The following SLC9A2 variants were observed in gnomAD, a reference collection of about 807,000 sequenced individuals.
The protein encoded by SLC9A2 is sodium/hydrogen exchanger 2.
Under a neutral mutation model 71.7 loss-of-function variants are expected in SLC9A2, and 42 were observed. The observed-to-expected ratio is 0.59, with a 90% confidence interval of 0.46 to 0.76. SLC9A2 has a LOEUF of 0.76. SLC9A2 is among the 30% of genes least tolerant of loss of function. The pLI, the probability that SLC9A2 is intolerant of heterozygous loss-of-function variation, is 0.00. For synonymous variants in SLC9A2, 396 were observed against 392.5 expected, an observed-to-expected ratio of 1.01 and a Z score of -0.10; for missense variants, 829 against 1,017.4, an observed-to-expected ratio of 0.81 and a Z score of 2.52.
chr2:102,648,389 C>T (rs1442081003), intron 1 of SLC9A2, among the ~76,000 whole-genome samples: 1 of 152,166 alleles, frequency 6.6e-6, no homozygotes, highest in Non-Finnish European at 1.5e-5. Flanking sequence ...CAATATCATA[C>T]TGAAAGGGTC....
At chr2:102,622,542 T>C (rs561053302) in intron 1 of SLC9A2, among the ~76,000 whole-genome samples, 6 of 152,316 alleles carry the variant, frequency 3.9e-5, no homozygotes, top group African/African-American at 1.2e-4. Flanking sequence ...TAGGTGTTGT[T>C]TTCCTGGTTT....
intron 1 of SLC9A2, among the ~76,000 whole-genome samples, chr2:102,626,392 C>T (rs1475463701): frequency 6.6e-6 from 1 of 152,168 alleles, no homozygotes; most frequent in Non-Finnish European, 1.5e-5. Flanking sequence ...AAGCTGGATC[C>T]CTTCCTTACA....
chr2:102,701,583 A>C (rs1436349641), intron 8 of SLC9A2, among the ~76,000 whole-genome samples: 1 of 152,252 alleles, frequency 6.6e-6, no homozygotes, highest in African/African-American at 2.4e-5. Flanking sequence ...AAATTCATGT[A>C]TGATCAAGCT....
At chr2:102,695,799 ATT>A (rs529442451) in intron 7 of SLC9A2, among the ~76,000 whole-genome samples, 4 of 77,078 alleles carry the variant, frequency 5.2e-5, no homozygotes, top group African/African-American at 8.0e-5. Context: ...TTATATATAT[ATT>A]ATATATATAT....
chr2:102,642,507 T>C (rs1341622206), intron 1 of SLC9A2, among the ~76,000 whole-genome samples: 1 of 152,088 alleles, frequency 6.6e-6, no homozygotes, highest in African/African-American at 2.4e-5. Flanking sequence ...CAGCCTTGCA[T>C]CCCTGGAATA....
intron 11 of SLC9A2, among the ~76,000 whole-genome samples, chr2:102,706,348 GAA>G (rs397985354): frequency 5.6e-5 from 1 of 17,702 alleles, no homozygotes; most frequent in African/African-American, 2.4e-4. Flanking sequence ...AAAAAAAAAA[GAA>G]AAAAAAAAAA....
chr2:102,694,318 G>A lies in SLC9A2; in HGVS notation c.1426-96G>A, dbSNP rs566048398. On this transcript the variant is annotated intron_variant, in intron 5 of 11. Transcript: ENST00000233969. Reference sequence around the variant, plus strand: ...AGAAGTTACCCTTGAATATTAAAATGTAGTTTATAAAAAATTTATATTAAA... The same window carrying A: ...AGAAGTTACCCTTGAATATTAAAATATAGTTTATAAAAAATTTATATTAAA... The A allele has an allele frequency of 2.1e-4, 68 of 325,390 alleles. 1 individual carries two copies. Among genetic ancestry groups the A allele is most frequent in the Admixed American group, 8.1e-4 (16 of 19,840 alleles). 20.2% of individuals were successfully genotyped at this position (325,390 alleles called of 1,614,324 possible). A position where few individuals can be genotyped will look rare whatever the true frequency, so the allele number is the denominator to read the frequency against.
chr2:102,686,315 T>C (rs1677545444), intron 5 of SLC9A2: 1 of 152,220 alleles, frequency 6.6e-6, no homozygotes, highest in African/African-American at 2.4e-5. Context: ...AAAATCTATT[T>C]GCTTTTGACC....
chr2:102,697,595 C>T, intron 7 of SLC9A2: 1 of 147,634 alleles, frequency 6.8e-6, no homozygotes, highest in Admixed American at 6.6e-5. Context: ...CACCACATCC[C>T]CCCGCACCTA....
intron 1 of SLC9A2, among the ~76,000 whole-genome samples, chr2:102,637,675 A>G (rs937245900): frequency 1.4e-4 from 22 of 152,058 alleles, no homozygotes; most frequent in African/African-American, 5.3e-4. Flanking sequence ...CCTGCCAGAG[A>G]TCTCACCCCA....
intron 3 of SLC9A2, among the ~76,000 whole-genome samples, chr2:102,680,841 G>A (rs1384569171): frequency 6.6e-6 from 1 of 151,626 alleles, no homozygotes; most frequent in African/African-American, 2.4e-5. Flanking sequence ...AGAGGGCGTA[G>A]GAGAGTCAGA....
intron 9 of SLC9A2, 74 bp from the exon 10 acceptor site, chr2:102,704,470 T>G: frequency 6.9e-7 from 1 of 1,459,598 alleles, no homozygotes; most frequent in Non-Finnish European, 9.4e-7. Flanking sequence ...TGTGGTAAAG[T>G]CTTGGAATTT....
intron 1 of SLC9A2, among the ~76,000 whole-genome samples, chr2:102,625,141 C>A (rs1676221873): frequency 6.6e-6 from 1 of 152,096 alleles, no homozygotes; most frequent in South Asian, 2.1e-4. Context: ...GATTCCTTTC[C>A]TTCTCAAAGC....
At chr2:102,634,686 T>C (rs1422054767) in intron 1 of SLC9A2, among the ~76,000 whole-genome samples, 1 of 152,238 alleles carries the variant, frequency 6.6e-6, no homozygotes, top group Non-Finnish European at 1.5e-5. Context: ...GCCTCTGAAA[T>C]ATGTTACGTA....
intron 3 of SLC9A2, among the ~76,000 whole-genome samples, chr2:102,671,075 A>C (rs1677241718): frequency 6.6e-6 from 1 of 152,180 alleles, no homozygotes; most frequent in South Asian, 2.1e-4. Context: ...ATGTTTATAA[A>C]ATGCTTTCAA....
chr2:102,704,701 A>T, intron 10 of SLC9A2, 26 bp downstream of exon 10: 2 of 1,602,346 alleles, frequency 1.2e-6, no homozygotes, highest in Non-Finnish European at 1.7e-6. Context: ...CCTCTAGGAG[A>T]CTTCCAGGGG....
Position 102,657,898 on chromosome 2 carries a change from G to C in SLC9A2, c.624G>C (p.Leu208=), listed in dbSNP as rs147714670. The change falls in exon 2 of 12, where the codon CTG becomes CTC. Residue 208 remains leucine, a synonymous_variant. Coordinates refer to ENST00000233969, the MANE Select transcript of SLC9A2 (RefSeq NM_003048.6). The stretch of plus-strand genomic sequence containing the variant: ...GCGACATCACTTTGCTCCAGAACCT[G>C]CTCTTTGGCAGCTTAATCTCAGCTG... ...GLSDITLLQN[L]LFGSLISAVD... The C allele has an allele frequency of 1.2e-6, 2 of 1,614,112 alleles. No homozygotes were observed. The highest frequency in any genetic ancestry group is 1.7e-6 in the Non-Finnish European group (2 of 1,180,046).
chr2:102,644,855 G>C (rs1035679851), intron 1 of SLC9A2, among the ~76,000 whole-genome samples: 3 of 152,164 alleles, frequency 2.0e-5, no homozygotes, highest in African/African-American at 7.2e-5. Context: ...CGCGAGAAGG[G>C]GCAGCTGCAG....
At chr2:102,683,659 A>G (rs1367171676) in intron 4 of SLC9A2, among the ~76,000 whole-genome samples, 181 bp downstream of exon 4, 1 of 147,108 alleles carries the variant, frequency 6.8e-6, no homozygotes, top group African/African-American at 2.5e-5. Context: ...TCTCTCCTAT[A>G]TCCTCCTCTT....
Sources: allele counts gnomAD v4.1 joint callset (sites outside exome capture counted in the v4.1 genomes callset), GRCh38; gene constraint gnomAD v4.1.1; transcripts MANE v1.5; gene names NCBI Gene and HGNC (gene_info 2026-07-23, HGNC 2026-07-21).